Variants in WWOX observed in about 807,000 individuals in gnomAD.
The protein encoded by WWOX is WW domain containing oxidoreductase.
WWOX carries 69 observed loss-of-function variants against 46.2 expected under a neutral mutation model. The ratio of observed to expected loss-of-function variants is 1.49; its 90% CI spans 1.23 to 1.82. The LOEUF (loss-of-function observed/expected upper bound fraction) is 1.82, where lower values mean the gene tolerates loss of function less well. Ranked by LOEUF, WWOX falls within the 40% of genes most tolerant of loss-of-function variation. WWOX has a pLI of 0.00. For missense variants in WWOX, 919 were observed against 542.6 expected, an observed-to-expected ratio of 1.69 and a Z score of -6.89; for synonymous variants, 359 against 202.6, an observed-to-expected ratio of 1.77 and a Z score of -6.56.
At position 78,646,673 on chromosome 16, in the gene WWOX, C is replaced by T. The variant is rs189390461; in HGVS notation, c.1056+213921C>T. 1.4e-4 allele frequency among the ~76,000 whole-genome samples: 21 copies of T among 152,262 alleles called. No homozygotes were observed. In the East Asian group the frequency reaches 3.9e-3, roughly 28 times the overall value. ...AAACTCCTGACCTCAGGTGATCCGC[C>T]CTACTGGGCCTCCCGTAGTGATAGG... On this transcript the variant is annotated intron_variant, in intron 8 of 8. Transcript: ENST00000566780.
chr16:78,675,583 C>T (rs1387153039), intron 8 of WWOX, among the ~76,000 whole-genome samples: 1 of 152,150 alleles, frequency 6.6e-6, no homozygotes, highest in African/African-American at 2.4e-5. Context: ...CTCCACAGAG[C>T]AGTGAAAAGA....
intron 8 of WWOX, among the ~76,000 whole-genome samples, chr16:78,865,905 C>T (rs559503980): frequency 4.7e-4 from 71 of 152,172 alleles, no homozygotes; most frequent in Middle Eastern, 6.8e-3. Flanking sequence ...TGTGTCTGGC[C>T]TTTGTGATAG....
chr16:78,981,318 G>A (rs941570411), intron 8 of WWOX, among the ~76,000 whole-genome samples: 1 of 152,098 alleles, frequency 6.6e-6, no homozygotes, highest in Admixed American at 6.5e-5. Flanking sequence ...AACCAAAAAT[G>A]CTGGGTGGGG....
At chr16:78,790,799 C>T (rs1168130831) in intron 8 of WWOX, among the ~76,000 whole-genome samples, 1 of 151,894 alleles carries the variant, frequency 6.6e-6, no homozygotes, top group African/African-American at 2.4e-5. Flanking sequence ...GTGGGAGGAT[C>T]ACTTAAGCCT....
intron 5 of WWOX, among the ~76,000 whole-genome samples, chr16:78,190,986 T>TG (rs2035865908): frequency 6.6e-6 from 1 of 152,236 alleles, no homozygotes; most frequent in Admixed American, 6.5e-5. Flanking sequence ...CTTGCACCTC[T>TG]GGTCCACAAT....
chr16:78,363,576 G>C (rs896931276), intron 5 of WWOX, among the ~76,000 whole-genome samples: 1 of 152,106 alleles, frequency 6.6e-6, no homozygotes, highest in Non-Finnish European at 1.5e-5. Flanking sequence ...ACTGTCCCAG[G>C]CCAGTTTTAA....
At chr16:78,293,286 T>G (rs1462401222) in intron 5 of WWOX, among the ~76,000 whole-genome samples, 1 of 152,210 alleles carries the variant, frequency 6.6e-6, no homozygotes, top group African/African-American at 2.4e-5. Context: ...TAAATCTCCC[T>G]GGGAGCTGGA....
intron 8 of WWOX, among the ~76,000 whole-genome samples, chr16:79,072,705 C>T (rs2048574352): frequency 6.6e-6 from 1 of 152,244 alleles, no homozygotes; most frequent in Admixed American, 6.5e-5. Flanking sequence ...TCGTCATCAT[C>T]AGGGCCACAA....
intron 8 of WWOX, chr16:78,756,993 C>A (rs1457678793): frequency 1.4e-6 from 1 of 702,846 alleles, no homozygotes; most frequent in South Asian, 1.5e-5. Context: ...TGTAGAAGAA[C>A]TGAGCCTCCT....
In WWOX at chr16:78,099,857, AC is replaced by A; in HGVS notation, c.81del (p.Lys28ArgfsTer52). 1 of 1,579,090 alleles carries A rather than the reference AC, an allele frequency of 6.3e-7. No individual in the cohort carries two copies. The highest frequency in any genetic ancestry group is 8.6e-7 in the Non-Finnish European group (1 of 1,163,288). ...GCCTCCGGGCTGGGAGGAGAGAACC[AC>A]CAAGGACGGCTGGGTTTACTACGCC... ...ELPPGWEERT[T>X]KDGWVYYANH... On this transcript the variant is annotated frameshift_variant, in exon 1 of 9. Coordinates refer to ENST00000566780, the MANE Select transcript of WWOX (RefSeq NM_016373.4). LOFTEE classifies it high-confidence loss of function.
At chr16:79,194,857 C>T (rs117453549) in intron 8 of WWOX, among the ~76,000 whole-genome samples, 2,507 of 152,262 alleles carry the variant, frequency 0.016, 38 homozygotes, top group Non-Finnish European at 0.023. Flanking sequence ...CACGTCTAAG[C>T]AGATGCTCCC....
At chr16:78,469,251 A>G (rs1326690020) in intron 8 of WWOX, among the ~76,000 whole-genome samples, 1 of 152,222 alleles carries the variant, frequency 6.6e-6, no homozygotes, top group Non-Finnish European at 1.5e-5. Flanking sequence ...CAAGATATCC[A>G]CCTGTAAAAT....
intron 5 of WWOX, among the ~76,000 whole-genome samples, chr16:78,289,396 G>A (rs1481854115): frequency 6.6e-6 from 1 of 152,046 alleles, no homozygotes; most frequent in African/African-American, 2.4e-5. Flanking sequence ...CAGGAAAAGT[G>A]TACAGTTATC....
At chr16:78,924,484 T>C (rs1204606276) in intron 8 of WWOX, among the ~76,000 whole-genome samples, 3 of 152,240 alleles carry the variant, frequency 2.0e-5, no homozygotes, top group Non-Finnish European at 2.9e-5. Context: ...TTGTCTTCGC[T>C]GCAGGCTACT....
chr16:78,875,320 A>G (rs960862), intron 8 of WWOX, among the ~76,000 whole-genome samples: 32,281 of 152,022 alleles, frequency 0.21, 3,584 homozygotes, highest in South Asian at 0.28. Context: ...TCTCAGTGGC[A>G]GCCATCTTGC....
chr16:78,831,474 A>C (rs1191993981), intron 8 of WWOX, among the ~76,000 whole-genome samples: 1 of 152,208 alleles, frequency 6.6e-6, no homozygotes, highest in African/African-American at 2.4e-5. Flanking sequence ...CAGTGAGTTT[A>C]TCCTGTGGCT....
chr16:78,632,004 A>G (rs185325463), intron 8 of WWOX, among the ~76,000 whole-genome samples: 1 of 148,990 alleles, frequency 6.7e-6, no homozygotes, highest in East Asian at 1.9e-4. Context: ...AAAGTTGACA[A>G]CCTGATTTCA....
intron 8 of WWOX, among the ~76,000 whole-genome samples, chr16:78,893,678 G>A (rs1026058930): frequency 4.6e-5 from 7 of 152,112 alleles, no homozygotes; most frequent in Non-Finnish European, 1.0e-4. Context: ...AGGTTCCCTG[G>A]TATTTTCCAG....
intron 8 of WWOX, among the ~76,000 whole-genome samples, chr16:78,609,921 C>T (rs1372418982): frequency 6.6e-6 from 1 of 152,244 alleles, no homozygotes; most frequent in Non-Finnish European, 1.5e-5. Flanking sequence ...AGAGCTTGTG[C>T]GTGTGTAGGG....
Sources: allele counts gnomAD v4.1 joint callset (sites outside exome capture counted in the v4.1 genomes callset), GRCh38; gene constraint gnomAD v4.1.1; transcripts MANE v1.5; gene names NCBI Gene and HGNC (gene_info 2026-07-23, HGNC 2026-07-21).